The following ZNF536 variants were observed in gnomAD, a reference collection of about 807,000 sequenced individuals.
ZNF536 encodes the protein zinc finger protein 536.
Under a neutral mutation model 84.5 loss-of-function variants are expected in ZNF536, and 13 were observed. That is an observed-to-expected ratio of 0.15 (90% CI 0.10 to 0.24). ZNF536 has a LOEUF of 0.24. ZNF536 is among the 10% of genes least tolerant of loss of function. The pLI is 1.00. For missense variants in ZNF536, 1,536 were observed against 1,747.5 expected, an observed-to-expected ratio of 0.88 and a Z score of 2.16; for synonymous variants, 811 against 742.5, an observed-to-expected ratio of 1.09 and a Z score of -1.50.
intron 1 of ZNF536, among the ~76,000 whole-genome samples, chr19:30,442,503 T>C (rs1463078866): frequency 9.2e-5 from 14 of 152,232 alleles, no homozygotes; most frequent in Admixed American, 8.5e-4. Context: ...TGGATTTTAA[T>C]GGGTTTTTAT....
chr19:30,691,584 T>C (rs2051411689), intron 1 of ZNF536, among the ~76,000 whole-genome samples: 1 of 152,214 alleles, frequency 6.6e-6, no homozygotes, highest in African/African-American at 2.4e-5. Flanking sequence ...TGTGGACAGA[T>C]GGTGCATTGC....
At chr19:30,614,109 C>T (rs574760863) in intron 1 of ZNF536, among the ~76,000 whole-genome samples, 13 of 152,302 alleles carry the variant, frequency 8.5e-5, no homozygotes, top group South Asian at 4.1e-4. Flanking sequence ...GTAATCTGCC[C>T]GCCTTGGCCT....
upstream of ZNF536, among the ~76,000 whole-genome samples, chr19:30,369,034 T>G (rs1568364401): frequency 6.6e-6 from 1 of 152,190 alleles, no homozygotes; most frequent in Non-Finnish European, 1.5e-5. Context: ...TGTTGTGAAG[T>G]GTTACCAACT....
chr19:30,353,528 C>A (rs575657195), intron 3 of ZNF536, among the ~76,000 whole-genome samples: 18 of 151,522 alleles, frequency 1.2e-4, no homozygotes, highest in South Asian at 2.1e-4. Context: ...GATGAGCAGC[C>A]CCCCCCTGGC....
chr19:30,703,880 C>G (rs532471148), intron 1 of ZNF536, among the ~76,000 whole-genome samples: 2 of 152,254 alleles, frequency 1.3e-5, no homozygotes, highest in East Asian at 1.9e-4. Context: ...GAAATGGAAG[C>G]CTTGAGTTCT....
intron 1 of ZNF536, among the ~76,000 whole-genome samples, chr19:30,605,898 T>C (rs1204320451): frequency 6.6e-6 from 1 of 152,128 alleles, no homozygotes; most frequent in African/African-American, 2.4e-5. Flanking sequence ...CTGCTTCAGG[T>C]TTTGAGGGAG....
chr19:30,430,070 G>T (rs550394429), intron 1 of ZNF536, among the ~76,000 whole-genome samples: 2 of 152,236 alleles, frequency 1.3e-5, no homozygotes, highest in South Asian at 4.2e-4. Context: ...GGGAGTGGCT[G>T]TGTGGAAGAA....
chr19:30,441,100 C>G (rs768741063), intron 1 of ZNF536, among the ~76,000 whole-genome samples: 25 of 152,294 alleles, frequency 1.6e-4, no homozygotes, highest in Non-Finnish European at 3.1e-4. Context: ...TTTGCAGTCT[C>G]GCCGCATTGC....
intron 1 of ZNF536, among the ~76,000 whole-genome samples, chr19:30,257,981 G>A (rs1389533689): frequency 1.3e-5 from 2 of 152,298 alleles, no homozygotes; most frequent in East Asian, 3.9e-4. Context: ...GGACTCTGCA[G>A]AACTAGGGCA....
At chr19:30,598,935 C>A (rs2047560767) in intron 1 of ZNF536, among the ~76,000 whole-genome samples, 1 of 50,468 alleles carries the variant, frequency 2.0e-5, no homozygotes, top group African/African-American at 4.5e-5. Context: ...CTTTCTCCCT[C>A]CCTCCCTCCC....
intron 1 of ZNF536, among the ~76,000 whole-genome samples, chr19:30,394,272 G>T (rs2147382665): frequency 6.6e-6 from 1 of 152,252 alleles, no homozygotes; most frequent in South Asian, 2.1e-4. Context: ...AGTCCAACAG[G>T]TGTGCCCACC....
At chr19:30,679,849 GA>G (rs754144161) in intron 1 of ZNF536, among the ~76,000 whole-genome samples, 172 of 152,364 alleles carry the variant, frequency 1.1e-3, no homozygotes, top group Non-Finnish European at 2.0e-3. Flanking sequence ...TTTGCGGGGA[GA>G]GGGGGGTCAG....
chr19:30,412,076 T>C (rs955205509), intron 1 of ZNF536, among the ~76,000 whole-genome samples: 2 of 151,990 alleles, frequency 1.3e-5, no homozygotes, highest in African/African-American at 4.8e-5. Flanking sequence ...TCATTTTCAG[T>C]ATATTGATTT....
Position 30,399,855 on chromosome 19 carries a change from A to G in ZNF536, c.-3+27299A>G, listed in dbSNP as rs8113014. Among the ~76,000 whole-genome samples the G allele has an allele frequency of 6.3e-3, 954 of 151,624 alleles. 10 individuals carry two copies. Among genetic ancestry groups the G allele is most frequent in the African/African-American group, 0.021 (881 of 41,356 alleles). On this transcript the variant is annotated intron_variant, in intron 1 of 4. Transcript: ENST00000355537. ...GGCGCCCACCACCATGCCCAGCTCA[A>G]TTTTGTATTTGTGGTAGAGACGGGA...
chr19:30,495,323 T>A (rs1288455501), intron 2 of ZNF536, among the ~76,000 whole-genome samples: 1 of 152,158 alleles, frequency 6.6e-6, no homozygotes, highest in East Asian at 1.9e-4. Flanking sequence ...GAAAAGGAAG[T>A]CTTGTGTGCT....
chr19:30,530,331 T>TTTG (rs140017176), intron 2 of ZNF536, among the ~76,000 whole-genome samples: 10,558 of 151,398 alleles, frequency 0.07, 1,059 homozygotes, highest in African/African-American at 0.23. Context: ...TCTCTGTCTT[T>TTTG]TTGTTGTTGT....
chr19:30,226,637 G>C (rs1348722517), upstream of ZNF536, among the ~76,000 whole-genome samples: 3 of 152,092 alleles, frequency 2.0e-5, no homozygotes, highest in South Asian at 6.2e-4. This position sits in a 1 kb window ranked among gnomAD's most constrained non-coding sequence, Gnocchi z 4.6. Context: ...GCCCCAGCCG[G>C]GCCTCGGCCT....
chr19:30,673,924 C>T (rs1278136095), intron 1 of ZNF536, among the ~76,000 whole-genome samples: 1 of 152,188 alleles, frequency 6.6e-6, no homozygotes, highest in African/African-American at 2.4e-5. Context: ...AATACACATT[C>T]CAACATTTAG....
chr19:30,226,259 C>T (rs1009497614), upstream of ZNF536, among the ~76,000 whole-genome samples: 7 of 152,232 alleles, frequency 4.6e-5, no homozygotes, highest in Admixed American at 4.6e-4. This position sits in a 1 kb window ranked among gnomAD's most constrained non-coding sequence, Gnocchi z 4.6. Flanking sequence ...AGGCTGGGGC[C>T]GCGGAAACTT....
Sources: gnomAD v4.1 joint callset for allele counts (sites outside exome capture counted in the v4.1 genomes callset) on GRCh38, gnomAD v4.1.1 for gene constraint, Gnocchi (gnomAD v3.1) non-coding constraint, MANE v1.5 for transcripts, NCBI Gene and HGNC (gene_info 2026-07-23, HGNC 2026-07-21) for gene names.